The following STX18 variants were observed in gnomAD, a reference collection of about 807,000 sequenced individuals.
STX18 encodes syntaxin 18.
A neutral mutation model predicts 50.1 loss-of-function variants in STX18; 40 were observed. That is an observed-to-expected ratio of 0.80 (90% CI 0.62 to 1.04). The LOEUF is 1.04. STX18 is among the 50% of genes least tolerant of loss of function. The probability of loss-of-function intolerance (pLI) is 0.00; values close to 1 mark genes in which losing one functional copy is unlikely to be tolerated. For synonymous variants in STX18, 158 were observed against 151.8 expected, an observed-to-expected ratio of 1.04 and a Z score of -0.30; for missense variants, 410 against 415.8, an observed-to-expected ratio of 0.99 and a Z score of 0.12.
intron 5 of STX18, among the ~76,000 whole-genome samples, chr4:4,452,390 A>G (rs1577335309): frequency 6.6e-6 from 1 of 152,262 alleles, no homozygotes; most frequent in East Asian, 1.9e-4. Flanking sequence ...ACAGCCTTCT[A>G]TTGGAATTGG....
At chr4:4,473,583 G>A (rs747179933) in intron 1 of STX18, among the ~76,000 whole-genome samples, 15 of 152,096 alleles carry the variant, frequency 9.9e-5, no homozygotes, top group Non-Finnish European at 1.3e-4. Context: ...GTGAGCCACC[G>A]CGCCCGGTCG....
chr4:4,476,321 T>G (rs1332069178), intron 1 of STX18, among the ~76,000 whole-genome samples: 2 of 152,360 alleles, frequency 1.3e-5, no homozygotes, highest in East Asian at 3.9e-4. Context: ...GAAAGGAATG[T>G]AATATTTATT....
intron 6 of STX18, chr4:4,437,572 A>C: frequency 1.0e-6 from 1 of 979,212 alleles, no homozygotes; most frequent in Non-Finnish European, 1.2e-6. Context: ...GATAAGAGAT[A>C]CTCAACCTGT....
chr4:4,424,684 C>T (rs1298138032), intron 8 of STX18, among the ~76,000 whole-genome samples: 1 of 152,172 alleles, frequency 6.6e-6, no homozygotes, highest in Non-Finnish European at 1.5e-5. Context: ...CCCACAGAAA[C>T]TAGAGGCTAA....
At chr4:4,429,305 A>G (rs1241372914) in intron 7 of STX18, among the ~76,000 whole-genome samples, 3 of 152,230 alleles carry the variant, frequency 2.0e-5, no homozygotes, top group African/African-American at 7.2e-5. Flanking sequence ...AGACTTTCCA[A>G]TCAAGCCCTG....
chr4:4,500,438 A>G (rs774318816), intron 1 of STX18, among the ~76,000 whole-genome samples: 1 of 152,202 alleles, frequency 6.6e-6, no homozygotes, highest in Non-Finnish European at 1.5e-5. Context: ...CATAGTACAT[A>G]CATTGTATTG....
chr4:4,477,770 A>G (rs1560184160), intron 1 of STX18: 2 of 152,242 alleles, frequency 1.3e-5, no homozygotes, highest in African/African-American at 4.8e-5. Context: ...GGGAACTGAG[A>G]AAAAGCCTCC....
Position 4,419,663 on chromosome 4 carries a change from G to GT in STX18, c.*370dup, listed in dbSNP as rs1724822345. On this transcript the variant is annotated 3_prime_UTR_variant, in exon 11 of 11. Transcript: ENST00000306200. ...GAAGCTACCGGGATGGGAAAGGTCA[G>GT]TGTCTTCCTTTGAACCCTGAGACAA... 5.5e-6 allele frequency: 1 copy of GT among 182,346 alleles called. No homozygotes were observed. The highest frequency in any genetic ancestry group is 2.3e-5 in the African/African-American group (1 of 42,656). 11.3% of individuals were successfully genotyped at this position (182,346 alleles called of 1,614,324 possible).
chr4:4,506,459 T>A (rs1433078610), intron 1 of STX18, among the ~76,000 whole-genome samples: 2 of 152,356 alleles, frequency 1.3e-5, no homozygotes, highest in East Asian at 1.9e-4. Flanking sequence ...CTCATTTATA[T>A]GATGTTATTG....
chr4:4,502,198 A>G (rs1729489959), intron 1 of STX18, among the ~76,000 whole-genome samples: 1 of 152,220 alleles, frequency 6.6e-6, no homozygotes, highest in African/African-American at 2.4e-5. Context: ...AACAAATGAC[A>G]GCACTTTTTT....
At chr4:4,439,580 TAC>T (rs1428379699) in intron 5 of STX18, among the ~76,000 whole-genome samples, 2 of 114,962 alleles carry the variant, frequency 1.7e-5, no homozygotes, top group South Asian at 2.9e-4. Flanking sequence ...CCCATATATA[TAC>T]ACACACACAC....
intron 1 of STX18, among the ~76,000 whole-genome samples, chr4:4,526,727 C>T (rs1348027138): frequency 6.6e-6 from 1 of 151,888 alleles, no homozygotes; most frequent in Non-Finnish European, 1.5e-5. Flanking sequence ...CCCAGCTACT[C>T]AGAAGGCTGA....
At chr4:4,422,655 C>T (rs961128313) in intron 9 of STX18, among the ~76,000 whole-genome samples, 18 of 152,016 alleles carry the variant, frequency 1.2e-4, no homozygotes, top group Non-Finnish European at 1.9e-4. Context: ...ATGCTCTGCA[C>T]GCCCCTCCCA....
chr4:4,510,843 G>A (rs965779636), intron 1 of STX18, among the ~76,000 whole-genome samples: 11 of 152,264 alleles, frequency 7.2e-5, no homozygotes, highest in South Asian at 2.1e-4. Flanking sequence ...ATGAGATCAC[G>A]TCCTTTGCAG....
intron 5 of STX18, among the ~76,000 whole-genome samples, chr4:4,441,819 T>A (rs1017165345): frequency 2.0e-5 from 3 of 152,188 alleles, no homozygotes; most frequent in African/African-American, 7.2e-5. Context: ...TGAACTCTAG[T>A]TAATGATATG....
intron 5 of STX18, among the ~76,000 whole-genome samples, chr4:4,454,211 C>G (rs919571450): frequency 6.6e-6 from 1 of 152,124 alleles, no homozygotes; most frequent in Non-Finnish European, 1.5e-5. Context: ...GAGGAAAGGA[C>G]AAGAAGGAGG....
intron 1 of STX18, among the ~76,000 whole-genome samples, chr4:4,472,307 T>C (rs9990629): frequency 0.14 from 22,017 of 152,194 alleles, 1,642 homozygotes; most frequent in African/African-American, 0.17. Context: ...CTAAAGCACC[T>C]ACTACATGCC....
chr4:4,512,235 T>C (rs1230623447), intron 1 of STX18, among the ~76,000 whole-genome samples: 1 of 152,106 alleles, frequency 6.6e-6, no homozygotes, highest in Admixed American at 6.6e-5. Flanking sequence ...AATTTTCTCA[T>C]TGCAGCTCAG....
intron 1 of STX18, among the ~76,000 whole-genome samples, chr4:4,532,024 T>C (rs1224282370): frequency 1.3e-5 from 2 of 152,226 alleles, no homozygotes; most frequent in Non-Finnish European, 2.9e-5. Flanking sequence ...TTTTAATAGC[T>C]ATGCAGCCAA....
Sources: gnomAD v4.1 joint callset for allele counts (sites outside exome capture counted in the v4.1 genomes callset) on GRCh38, gnomAD v4.1.1 for gene constraint, MANE v1.5 for transcripts, NCBI Gene and HGNC (gene_info 2026-07-23, HGNC 2026-07-21) for gene names.